The following SDK1 variants were observed in gnomAD, a reference collection of about 807,000 sequenced individuals.
The protein encoded by SDK1 is sidekick cell adhesion molecule 1.
A neutral mutation model predicts 245.5 loss-of-function variants in SDK1; 157 were observed. That is an observed-to-expected ratio of 0.64 (90% confidence interval 0.56 to 0.73). The LOEUF (loss-of-function observed/expected upper bound fraction) is 0.73, where lower values mean the gene tolerates loss of function less well. Ranked by LOEUF, SDK1 falls within the 30% of genes least tolerant of loss-of-function variation. SDK1 has a pLI of 0.00. For synonymous variants in SDK1, 1,647 were observed against 1,278.5 expected, an observed-to-expected ratio of 1.29 and a Z score of -6.15; for missense variants, 3,583 against 3,002.3, an observed-to-expected ratio of 1.19 and a Z score of -4.52.
intron 4 of SDK1, among the ~76,000 whole-genome samples, chr7:3,740,987 T>C (rs551842906): frequency 9.2e-5 from 14 of 152,326 alleles, no homozygotes; most frequent in Non-Finnish European, 1.6e-4. Context: ...TCACTTTGTA[T>C]AGAAAGGCTA....
chr7:3,899,079 C>T (rs1395020566), intron 5 of SDK1, among the ~76,000 whole-genome samples: 1 of 152,128 alleles, frequency 6.6e-6, no homozygotes, highest in African/African-American at 2.4e-5. Flanking sequence ...GAGAAATTTA[C>T]TAAAATATCA....
chr7:3,489,791 A>G lies in SDK1; in HGVS notation c.299-129289A>G, dbSNP rs766225589. Among the ~76,000 whole-genome samples, 87 of 152,378 alleles carry G rather than the reference A, an allele frequency of 5.7e-4. 2 individuals carry two copies. The highest frequency in any genetic ancestry group is 1.1e-3 in the Non-Finnish European group (74 of 68,042). On this transcript the variant is annotated intron_variant, in intron 1 of 44. Transcript: ENST00000404826. ...GATGAGATGGTCCTATTAAAATTTG[A>G]TCACAAAGTATACATGGTAAATGCA...
At chr7:3,398,303 G>C (rs1778780041) in intron 1 of SDK1, among the ~76,000 whole-genome samples, 1 of 152,114 alleles carries the variant, frequency 6.6e-6, no homozygotes, top group Non-Finnish European at 1.5e-5. Context: ...GAGCCCTGTT[G>C]ATGTAGTGAT....
At chr7:3,967,468 C>G in intron 10 of SDK1, 34 bp downstream of exon 10, 1 of 1,303,666 alleles carries the variant, frequency 7.7e-7, no homozygotes, top group Non-Finnish European at 1.1e-6. Flanking sequence ...ACAGCATGGC[C>G]CATGTAGAAC....
Position 3,644,797 on chromosome 7 carries a change from A to AC in SDK1, c.713+2692_713+2693insC, listed in dbSNP as rs747220621. 3.1e-3 allele frequency among the ~76,000 whole-genome samples: 406 copies of AC among 131,578 alleles called. 5 individuals carry two copies. The highest frequency in any genetic ancestry group is 8.5e-3 in the South Asian group (31 of 3,640). The allele number at this position is 131,578 out of a possible 152,430, so 86.3% of individuals were successfully genotyped here. ...CCAAAAAAAAAAAAAAAAAAACAAAAAACAACAACAACGGCGGGGCAGGGG... is the reference window on the plus strand; with the variant it reads ...CCAAAAAAAAAAAAAAAAAAACAAAACAACAACAACAACGGCGGGGCAGGGG... On this transcript the variant is annotated intron_variant, in intron 4 of 44. Transcript: ENST00000404826.
At chr7:4,225,467 T>A (rs140288650) in intron 40 of SDK1, among the ~76,000 whole-genome samples, 208 of 152,268 alleles carry the variant, frequency 1.4e-3, no homozygotes, top group African/African-American at 4.8e-3. Flanking sequence ...CTCAGCCTCT[T>A]AACGCTGTGA....
intron 5 of SDK1, among the ~76,000 whole-genome samples, chr7:3,838,403 G>C (rs539996564): frequency 6.6e-6 from 1 of 152,326 alleles, no homozygotes; most frequent in East Asian, 1.9e-4. Flanking sequence ...TCCCCTGAGA[G>C]ACGATGTTTA....
intron 1 of SDK1, among the ~76,000 whole-genome samples, chr7:3,510,648 A>G (rs932797109): frequency 1.3e-5 from 2 of 152,120 alleles, no homozygotes; most frequent in African/African-American, 4.8e-5. Context: ...GGGAGGGAAG[A>G]AGGGGGGAGG....
chr7:3,812,196 A>C (rs1376572407), intron 4 of SDK1, among the ~76,000 whole-genome samples: 1 of 152,182 alleles, frequency 6.6e-6, no homozygotes, highest in Non-Finnish European at 1.5e-5. Context: ...CTTGGGTTCC[A>C]GGTGCCTGAA....
intron 44 of SDK1, among the ~76,000 whole-genome samples, chr7:4,258,808 G>A (rs1399844049): frequency 1.3e-5 from 2 of 152,178 alleles, no homozygotes; most frequent in African/African-American, 4.8e-5. Context: ...TGAAAGTCTT[G>A]AACCTCATAT....
intron 35 of SDK1, among the ~76,000 whole-genome samples, chr7:4,200,136 C>G (rs1345398574): frequency 6.6e-6 from 1 of 152,122 alleles, no homozygotes; most frequent in Non-Finnish European, 1.5e-5. Context: ...CTTAGATTTC[C>G]TCTGCGTACC....
chr7:4,058,184 A>G lies in SDK1; in HGVS notation c.2911+6354A>G, dbSNP rs372193988. 4.6e-5 allele frequency among the ~76,000 whole-genome samples: 7 copies of G among 152,336 alleles called. No homozygotes were observed. In the South Asian group the frequency reaches 6.2e-4, roughly 14 times the overall value. The stretch of plus-strand genomic sequence containing the variant: ...AAACATTTCAATACATGAATGAGAA[A>G]TTTACCAAAGAGATAAATATTATAA... On this transcript the variant is annotated intron_variant, in intron 19 of 44. Coordinates refer to ENST00000404826, the MANE Select transcript of SDK1 (RefSeq NM_152744.4).
At chr7:3,856,689 G>T (rs999038873) in intron 5 of SDK1, among the ~76,000 whole-genome samples, 2 of 152,050 alleles carry the variant, frequency 1.3e-5, no homozygotes, top group African/African-American at 4.8e-5. Flanking sequence ...TAGTCAGGAG[G>T]CTGAGGCAGG....
intron 5 of SDK1, among the ~76,000 whole-genome samples, chr7:3,886,947 C>G (rs531128452): frequency 6.6e-6 from 1 of 152,196 alleles, no homozygotes; most frequent in Non-Finnish European, 1.5e-5. Context: ...GCCAAGCCTC[C>G]TTGCATCCAT....
At position 3,362,205 on chromosome 7, in the gene SDK1, C is replaced by T. The variant is rs566980623; in HGVS notation, c.298+60321C>T. On this transcript the variant is annotated intron_variant, in intron 1 of 44. Transcript: ENST00000404826. ...GGGAGAACCCTATATATCCCTGAGG[C>T]ATTTGGTGGCCGACTACGACAGTGT... Among the ~76,000 whole-genome samples, 42 of 152,286 alleles carry T rather than the reference C, an allele frequency of 2.8e-4. No homozygotes were observed. In the South Asian group the frequency reaches 8.7e-3, roughly 32 times the overall value.
At chr7:3,506,065 T>TC (rs1381752959) in intron 1 of SDK1, among the ~76,000 whole-genome samples, 1 of 152,224 alleles carries the variant, frequency 6.6e-6, no homozygotes, top group Non-Finnish European at 1.5e-5. Context: ...CATTTACCAT[T>TC]CATCATATTC....
At chr7:3,739,135 C>G (rs1055601707) in intron 4 of SDK1, among the ~76,000 whole-genome samples, 1 of 152,086 alleles carries the variant, frequency 6.6e-6, no homozygotes, top group African/African-American at 2.4e-5. Context: ...CTTCTGGATT[C>G]CATAGTTTCT....
chr7:3,574,271 C>T (rs1488776014), intron 1 of SDK1, among the ~76,000 whole-genome samples: 1 of 151,952 alleles, frequency 6.6e-6, no homozygotes. Flanking sequence ...CGCCTGCCAC[C>T]ATGCCCAGCT....
intron 5 of SDK1, among the ~76,000 whole-genome samples, chr7:3,924,828 C>T (rs1014411531): frequency 1.3e-5 from 2 of 151,916 alleles, no homozygotes; most frequent in African/African-American, 4.8e-5. Context: ...TTCCTTGTTC[C>T]TGTGTGTGTG....
Sources: gnomAD v4.1 joint callset for allele counts (sites outside exome capture counted in the v4.1 genomes callset) on GRCh38, gnomAD v4.1.1 for gene constraint, MANE v1.5 for transcripts, NCBI Gene and HGNC (gene_info 2026-07-23, HGNC 2026-07-21) for gene names.